The following CRY1 variants were observed in gnomAD, a reference collection of about 807,000 sequenced individuals.
The protein encoded by CRY1 is cryptochrome-1.
In CRY1, 45 loss-of-function variants were observed where a neutral mutation model predicts 76.0. The observed-to-expected ratio is 0.59, with a 90% CI of 0.47 to 0.76. CRY1 has a LOEUF of 0.76. Among genes scored for constraint, CRY1 ranks in the 30% least tolerant of loss-of-function variants. CRY1 has a pLI of 0.00. For synonymous variants in CRY1, 248 were observed against 244.0 expected, an observed-to-expected ratio of 1.02 and a Z score of -0.15; for missense variants, 587 against 716.4, an observed-to-expected ratio of 0.82 and a Z score of 2.06.
intron 6 of CRY1, 33 bp from the exon 7 acceptor site, chr12:106,999,895 A>T (rs1566241276): frequency 5.0e-6 from 8 of 1,587,852 alleles, no homozygotes; most frequent in South Asian, 3.5e-5. Flanking sequence ...TATTATCAGA[A>T]TTTTTTTTTA....
At position 107,000,094 on chromosome 12, in the gene CRY1, CAG is replaced by C; in HGVS notation, c.685-14_685-13del. ...TTTGCCACCCAAGCCTGAAAACACA[CAG>C]AGAAAATTATATTAACTAATTGTCT... On this transcript the variant is annotated splice_polypyrimidine_tract_variant and intron_variant, in intron 5 of 12. Coordinates refer to ENST00000008527, the MANE Select transcript of CRY1 (RefSeq NM_004075.5). 1 of 1,581,236 alleles carries C rather than the reference CAG, an allele frequency of 6.3e-7. No individual in the cohort carries two copies. Among genetic ancestry groups the C allele is most frequent in the Non-Finnish European group, 8.5e-7 (1 of 1,170,348 alleles).
intron 1 of CRY1, among the ~76,000 whole-genome samples, chr12:107,056,260 C>T (rs1426665598): frequency 6.6e-6 from 1 of 152,190 alleles, no homozygotes; most frequent in Non-Finnish European, 1.5e-5. Context: ...AAATCCTCCT[C>T]CACACCTTTT....
chr12:107,040,089 G>C (rs116069818), intron 1 of CRY1, among the ~76,000 whole-genome samples: 1,882 of 152,068 alleles, frequency 0.012, 32 homozygotes, highest in African/African-American at 0.043. Context: ...AGTAAAATAA[G>C]CCAGTGAAAA....
At chr12:107,006,693 AGTGGCTG>A (rs1952379546) in intron 2 of CRY1, among the ~76,000 whole-genome samples, 1 of 15,956 alleles carries the variant, frequency 6.3e-5, no homozygotes. Context: ...GCTGAAGTGC[AGTGGCTG>A]AAGTGCAGTG....
At position 107,015,074 on chromosome 12, in the gene CRY1, C is replaced by T. The variant is rs572628750; in HGVS notation, c.267+7010G>A. Among the ~76,000 whole-genome samples the T allele has an allele frequency of 5.3e-5, 8 of 152,216 alleles. No individual in the cohort carries two copies. The East Asian group carries it at 1.4e-3, about 26-fold the overall frequency. On this transcript the variant is annotated intron_variant, in intron 2 of 12. Coordinates refer to ENST00000008527, the MANE Select transcript of CRY1 (RefSeq NM_004075.5). ...TGTAGTTTTAGTAGAGACGGGGTTT[C>T]ACCATGTTGGTCAGGCTGGTCTTGC...
chr12:106,998,974 G>A (rs778490607), intron 7 of CRY1, among the ~76,000 whole-genome samples: 11 of 149,940 alleles, frequency 7.3e-5, no homozygotes, highest in Non-Finnish European at 1.2e-4. Flanking sequence ...CCTGGAAGGC[G>A]TAGGTTGCAG....
intron 1 of CRY1, among the ~76,000 whole-genome samples, chr12:107,038,749 G>A (rs1261291785): frequency 6.6e-6 from 1 of 152,176 alleles, no homozygotes. Context: ...TTCCCTTTGT[G>A]AGAAACAAAC....
chr12:107,049,828 T>G (rs1489369226), intron 1 of CRY1: 1 of 152,210 alleles, frequency 6.6e-6, no homozygotes, highest in Non-Finnish European at 1.5e-5. Context: ...AATGCCCAGT[T>G]TAACATGTAT....
chr12:106,999,719 AT>A lies in CRY1; in HGVS notation c.968del (p.Asn323IlefsTer5). ...PICVQIPWDK[N>X]PEALAKWAEG... ...CCGCCCATTTGGCTAAAGCCTCAGG[AT>A]TTTTATCCCAAGGAATCTGAACACA... is the stretch of plus-strand genomic sequence containing the variant. On this transcript the variant is annotated frameshift_variant, in exon 7 of 13. Coordinates refer to ENST00000008527, the MANE Select transcript of CRY1 (RefSeq NM_004075.5). LOFTEE classifies it high-confidence loss of function. 1.2e-6 allele frequency: 2 copies of A among 1,614,218 alleles called. No individual in the cohort carries two copies. Among genetic ancestry groups the A allele is most frequent in the Non-Finnish European group, 1.7e-6 (2 of 1,180,034 alleles).
chr12:107,062,043 AAG>A (rs1461735039), intron 1 of CRY1, among the ~76,000 whole-genome samples: 2 of 149,916 alleles, frequency 1.3e-5, no homozygotes, highest in East Asian at 3.9e-4. Flanking sequence ...AAAAAAAAAA[AAG>A]AAAAAAAGAA....
rs1268305844 is a variant in CRY1 at position 106,992,826 on chromosome 12, C to T, written c.1722G>A (p.Gln574=). 1.7e-5 allele frequency: 28 copies of T among 1,614,048 alleles called. No homozygotes were observed. The highest frequency in any genetic ancestry group is 2.3e-5 in the Non-Finnish European group (27 of 1,179,924). ...GKRPSQEEDT[Q]SIGPKVQRQS... Reference sequence around the variant, plus strand: ...GTCTCTGGACTTTAGGACCAATACTCTGTGTGTCCTCTTCCTGACTAGGAC... The same window carrying T: ...GTCTCTGGACTTTAGGACCAATACTTTGTGTGTCCTCTTCCTGACTAGGAC... The change falls in exon 12 of 13, where the codon CAG becomes CAA. Residue 574 remains glutamine, a synonymous_variant. Coordinates refer to ENST00000008527, the MANE Select transcript of CRY1 (RefSeq NM_004075.5).
chr12:107,065,620 G>C (rs948149890), intron 1 of CRY1, among the ~76,000 whole-genome samples: 2 of 151,818 alleles, frequency 1.3e-5, no homozygotes, highest in Non-Finnish European at 2.9e-5. Flanking sequence ...AAAAATAACT[G>C]GGAATTTTGG....
chr12:107,081,829 A>C (rs1232441889), intron 1 of CRY1, among the ~76,000 whole-genome samples: 1 of 152,020 alleles, frequency 6.6e-6, no homozygotes, highest in Non-Finnish European at 1.5e-5. Flanking sequence ...TTGTACTGTC[A>C]TGAGAGGGAT....
chr12:107,093,483 G>T lies in CRY1; in HGVS notation c.-522C>A, dbSNP rs9919743. 6.5e-6 allele frequency: 1 copy of T among 152,706 alleles called. No individual in the cohort carries two copies. The highest frequency in any genetic ancestry group is 2.4e-5 in the African/African-American group (1 of 41,594). The allele number at this position is 152,706 out of a possible 1,614,324, so 9.5% of individuals were successfully genotyped here. A position where few individuals can be genotyped will look rare whatever the true frequency, so the allele number is the denominator to read the frequency against. ...GAAAGGACCGGGAACGGAGGCTAGA[G>T]GCGGTGGTCGAGGCCGCTGGACGGT... On this transcript the variant is annotated 5_prime_UTR_variant, in exon 1 of 13. Transcript: ENST00000008527.
intron 1 of CRY1, among the ~76,000 whole-genome samples, chr12:107,053,548 C>T (rs1182692342): frequency 1.3e-5 from 2 of 152,104 alleles, no homozygotes; most frequent in Non-Finnish European, 2.9e-5. Context: ...GAACTTCCAA[C>T]CTCAGGTGAT....
At chr12:107,055,070 C>T (rs1396438518) in intron 1 of CRY1, among the ~76,000 whole-genome samples, 1 of 151,766 alleles carries the variant, frequency 6.6e-6, no homozygotes, top group African/African-American at 2.4e-5. Context: ...AAGAATATCC[C>T]GTCTAATAAC....
intron 1 of CRY1, among the ~76,000 whole-genome samples, chr12:107,024,885 T>TA (rs143235990): frequency 0.027 from 4,167 of 152,220 alleles, 76 homozygotes; most frequent in African/African-American, 0.055. Context: ...TGCACAGATT[T>TA]AAAAAATAGA....
intron 1 of CRY1, among the ~76,000 whole-genome samples, chr12:107,088,739 G>GCTA (rs1953433833): frequency 6.6e-6 from 1 of 152,222 alleles, no homozygotes; most frequent in Non-Finnish European, 1.5e-5. Context: ...GGCAGCAAAT[G>GCTA]CTAAGAGTGA....
At chr12:107,077,664 T>A (rs1347989283) in intron 1 of CRY1, among the ~76,000 whole-genome samples, 1 of 152,202 alleles carries the variant, frequency 6.6e-6, no homozygotes, top group Non-Finnish European at 1.5e-5. Flanking sequence ...TATTTATTTA[T>A]CATCCTGTGA....
Sources: allele counts gnomAD v4.1 joint callset (sites outside exome capture counted in the v4.1 genomes callset), GRCh38; gene constraint gnomAD v4.1.1; transcripts MANE v1.5; gene names NCBI Gene and HGNC (gene_info 2026-07-23, HGNC 2026-07-21).